Variants in MIPOL1 observed in about 807,000 individuals in gnomAD.
MIPOL1 encodes mirror-image polydactyly 1.
MIPOL1 carries 57 observed loss-of-function variants against 60.9 expected under a neutral mutation model. That is an observed-to-expected ratio of 0.94 (90% CI 0.76 to 1.17). MIPOL1 has a LOEUF of 1.17. Ranked by LOEUF, MIPOL1 falls within the 50% of genes most tolerant of loss-of-function variation. The probability of loss-of-function intolerance (pLI) is 0.00; values close to 1 mark genes in which losing one functional copy is unlikely to be tolerated. For missense variants in MIPOL1, 551 were observed against 511.6 expected, an observed-to-expected ratio of 1.08 and a Z score of -0.74; for synonymous variants, 179 against 168.8, an observed-to-expected ratio of 1.06 and a Z score of -0.47.
At chr14:37,240,234 G>C (rs1037119765) in intron 1 of MIPOL1, among the ~76,000 whole-genome samples, 7 of 152,186 alleles carry the variant, frequency 4.6e-5, no homozygotes, top group South Asian at 2.1e-4. Context: ...ATGGAAAATC[G>C]CTAAATGGTT....
At chr14:37,425,876 G>A (rs940257246) in intron 11 of MIPOL1, among the ~76,000 whole-genome samples, 7 of 152,140 alleles carry the variant, frequency 4.6e-5, no homozygotes, top group Non-Finnish European at 7.3e-5. Context: ...CTTCCACAGA[G>A]TAGTTTAGTC....
intron 12 of MIPOL1, among the ~76,000 whole-genome samples, chr14:37,522,813 A>G (rs2095422918): frequency 6.6e-6 from 1 of 152,144 alleles, no homozygotes; most frequent in Non-Finnish European, 1.5e-5. Context: ...ATAGTAAAAT[A>G]ATAAAAATGT....
intron 12 of MIPOL1, among the ~76,000 whole-genome samples, chr14:37,513,662 A>G (rs1431448032): frequency 1.3e-5 from 2 of 152,150 alleles, no homozygotes; most frequent in Non-Finnish European, 2.9e-5. Context: ...TTTCCCTAAT[A>G]AGATAGATCC....
chr14:37,433,849 C>T (rs960670273), intron 11 of MIPOL1, among the ~76,000 whole-genome samples: 2 of 152,152 alleles, frequency 1.3e-5, no homozygotes, highest in Admixed American at 6.6e-5. Context: ...AGCCACCGCA[C>T]CCGACCCTGA....
chr14:37,336,655 A>T (rs188801939), intron 9 of MIPOL1, among the ~76,000 whole-genome samples: 2 of 152,026 alleles, frequency 1.3e-5, no homozygotes, highest in African/African-American at 4.8e-5. Flanking sequence ...TAATTCCAGT[A>T]TCCCTGCCAT....
intron 7 of MIPOL1, among the ~76,000 whole-genome samples, chr14:37,302,542 G>C (rs531466185): frequency 8.6e-5 from 13 of 150,898 alleles, no homozygotes; most frequent in South Asian, 2.1e-4. Context: ...TCTTCTAGTT[G>C]ATGTCTTGTT....
At chr14:37,496,919 A>G (rs946438306) in intron 11 of MIPOL1, among the ~76,000 whole-genome samples, 7 of 151,518 alleles carry the variant, frequency 4.6e-5, no homozygotes, top group African/African-American at 1.7e-4. Context: ...AGGCTACAGT[A>G]ACCAAAACAG....
intron 12 of MIPOL1, among the ~76,000 whole-genome samples, chr14:37,539,967 T>G (rs1384049565): frequency 6.6e-6 from 1 of 152,158 alleles, no homozygotes; most frequent in African/African-American, 2.4e-5. Flanking sequence ...TCAGATGGTT[T>G]TAGAGGGGGC....
At chr14:37,294,732 A>G (rs368737687) in intron 7 of MIPOL1, among the ~76,000 whole-genome samples, 1 of 152,224 alleles carries the variant, frequency 6.6e-6, no homozygotes, top group South Asian at 2.1e-4. Flanking sequence ...AATGAGTGAA[A>G]TGAAGTGTGA....
chr14:37,465,306 G>A (rs894241516), intron 11 of MIPOL1, among the ~76,000 whole-genome samples: 15 of 152,070 alleles, frequency 9.9e-5, no homozygotes, highest in African/African-American at 3.6e-4. Context: ...AGGATTTTAG[G>A]AACAATTACA....
intron 10 of MIPOL1, among the ~76,000 whole-genome samples, chr14:37,422,592 G>A (rs1330299444): frequency 7.2e-5 from 11 of 151,936 alleles, no homozygotes; most frequent in Non-Finnish European, 2.9e-5. Flanking sequence ...CATTGCAGAA[G>A]GGCATATATC....
intron 1 of MIPOL1, among the ~76,000 whole-genome samples, chr14:37,244,709 A>G (rs1972914136): frequency 6.6e-6 from 1 of 152,132 alleles, no homozygotes; most frequent in Non-Finnish European, 1.5e-5. Flanking sequence ...AAGAAACCCA[A>G]TTTATCTGAT....
At chr14:37,207,836 A>G (rs1350403558) in intron 1 of MIPOL1, among the ~76,000 whole-genome samples, 1 of 152,170 alleles carries the variant, frequency 6.6e-6, no homozygotes, top group Non-Finnish European at 1.5e-5. Flanking sequence ...GTGAGCCACC[A>G]TGCCAGGCTG....
chr14:37,412,546 C>CA (rs1217779961), intron 10 of MIPOL1, among the ~76,000 whole-genome samples: 1 of 151,246 alleles, frequency 6.6e-6, no homozygotes, highest in Non-Finnish European at 1.5e-5. Flanking sequence ...TAATGTTGAG[C>CA]AAAAAAACAG....
intron 11 of MIPOL1, among the ~76,000 whole-genome samples, chr14:37,484,449 T>G (rs1189854394): frequency 6.7e-6 from 1 of 150,358 alleles, no homozygotes; most frequent in African/African-American, 2.4e-5. Context: ...GCAATTCTCC[T>G]GACTCAGTCT....
At chr14:37,371,263 G>A (rs2092630947) in intron 10 of MIPOL1, among the ~76,000 whole-genome samples, 1 of 151,766 alleles carries the variant, frequency 6.6e-6, no homozygotes, top group South Asian at 2.1e-4. Flanking sequence ...GAGACTACAG[G>A]TGCCCACCAC....
intron 12 of MIPOL1, among the ~76,000 whole-genome samples, chr14:37,517,707 G>A (rs185265027): frequency 8.5e-5 from 13 of 152,202 alleles, no homozygotes; most frequent in Non-Finnish European, 1.3e-4. Context: ...GAATAAGGAC[G>A]ATATCTATAA....
chr14:37,506,822 G>T (rs1170622559), intron 12 of MIPOL1: 1 of 152,046 alleles, frequency 6.6e-6, no homozygotes, highest in Non-Finnish European at 1.5e-5. Context: ...CCTACAGAAT[G>T]GGAGAAAATT....
At chr14:37,429,376 T>G (rs1398053222) in intron 11 of MIPOL1, among the ~76,000 whole-genome samples, 1 of 152,174 alleles carries the variant, frequency 6.6e-6, no homozygotes, top group Non-Finnish European at 1.5e-5. Context: ...ATATTATAAT[T>G]AACAAGTCAG....
Sources: gnomAD v4.1 joint callset for allele counts (sites outside exome capture counted in the v4.1 genomes callset) on GRCh38, gnomAD v4.1.1 for gene constraint, MANE v1.5 for transcripts, NCBI Gene and HGNC (gene_info 2026-07-23, HGNC 2026-07-21) for gene names.